Variants in ZFPL1 observed in about 807,000 individuals in gnomAD.
ZFPL1 encodes zinc finger protein like 1, also known as zinc finger protein-like 1.
In ZFPL1, 28 loss-of-function variants were observed where a neutral mutation model predicts 32.0. The observed-to-expected ratio is 0.87, with a 90% CI of 0.65 to 1.20. The LOEUF (loss-of-function observed/expected upper bound fraction) is 1.20. Among genes scored for constraint, ZFPL1 ranks in the 50% most tolerant of loss-of-function variants. ZFPL1 has a pLI of 0.00. For missense variants in ZFPL1, 386 were observed against 424.8 expected (o/e 0.91, Z 0.80); for synonymous variants, 165 against 177.0 (o/e 0.93, Z 0.54).
Position 65,087,957 on chromosome 11 carries a change from T to C in ZFPL1, c.776T>C (p.Leu259Pro). 2 of 1,575,470 alleles carry C rather than the reference T, an allele frequency of 1.3e-6. No individual in the cohort carries two copies. Among genetic ancestry groups the C allele is most frequent in the Non-Finnish European group, 8.5e-7 (1 of 1,170,788 alleles). The change falls in exon 8 of 8, where the codon CTG becomes CCG. Residue 259 changes from leucine to proline, a missense_variant. Coordinates refer to ENST00000294258, the MANE Select transcript of ZFPL1 (RefSeq NM_006782.4). ...CGGGCTGGGTCTCGGAAGCGGCCGC[T>C]GACCCTGCTCCAGCGGGCGGGGCTG... ...RSRAGSRKRPLTLLQRAGLLL... is the reference protein window; with the variant it reads ...RSRAGSRKRPPTLLQRAGLLL...
At position 65,088,337 on chromosome 11, in the gene ZFPL1, C is replaced by A. The variant is rs1590805791; in HGVS notation, c.*223C>A. 4.1e-6 allele frequency: 5 copies of A among 1,212,614 alleles called. No homozygotes were observed. The East Asian group carries it at 1.3e-4, about 31-fold the overall frequency. The allele number at this position is 1,212,614 out of a possible 1,614,324, so 75.1% of individuals were successfully genotyped here. A position where few individuals can be genotyped will look rare whatever the true frequency, so the allele number is the denominator to read the frequency against. ...ACTTGCTTTCCTCCCGGGTCTCCAG[C>A]CTCCGACCCCTCGCCCCATGAAGGA... On this transcript the variant is annotated 3_prime_UTR_variant, in exon 8 of 8. Transcript: ENST00000294258.
In ZFPL1 at chr11:65,088,218, A is replaced by G. The variant is rs1319952018; in HGVS notation, c.*104A>G. 1.4e-6 allele frequency: 2 copies of G among 1,407,018 alleles called. No individual in the cohort carries two copies. Among genetic ancestry groups the G allele is most frequent in the Non-Finnish European group, 1.9e-6 (2 of 1,031,944 alleles). 87.2% of individuals were successfully genotyped at this position (1,407,018 alleles called of 1,614,324 possible). ...ACCTCTTCACTGCCCCTCTCCCTCA[A>G]GCCTAAGACACTAAGACCCCAGACC... is the stretch of plus-strand genomic sequence containing the variant. On this transcript the variant is annotated 3_prime_UTR_variant, in exon 8 of 8. Transcript: ENST00000294258.
In ZFPL1 at chr11:65,084,355, C is replaced by A. The variant is rs1220862124; in HGVS notation, c.-32C>A. Reference sequence around the variant, plus strand: ...CGCCCTTCGGAACCAGTGCAGCGGCCGATCAGTAAACACAGAGACTGGGGT... The same window carrying A: ...CGCCCTTCGGAACCAGTGCAGCGGCAGATCAGTAAACACAGAGACTGGGGT... On this transcript the variant is annotated 5_prime_UTR_variant, in exon 1 of 8. Coordinates refer to ENST00000294258, the MANE Select transcript of ZFPL1 (RefSeq NM_006782.4). 1 of 485,950 alleles carries A rather than the reference C, an allele frequency of 2.1e-6. No individual in the cohort carries two copies. Among genetic ancestry groups the A allele is most frequent in the Non-Finnish European group, 3.6e-6 (1 of 276,324 alleles). 30.1% of individuals were successfully genotyped at this position (485,950 alleles called of 1,614,324 possible).
Position 65,086,344 on chromosome 11 carries a change from C to T in ZFPL1, c.215-71C>T, listed in dbSNP as rs1947679003. The stretch of plus-strand genomic sequence containing the variant: ...CATATGTCCTGCAATGGTCTGGGGA[C>T]TATTGCTAGGCTAGGAGCCCTAAGT... On this transcript the variant is annotated intron_variant, in intron 3 of 7. Coordinates refer to ENST00000294258, the MANE Select transcript of ZFPL1 (RefSeq NM_006782.4). The T allele has an allele frequency of 1.9e-6, 3 of 1,585,500 alleles. No homozygotes were observed. In the African/African-American group the frequency reaches 4.0e-5, roughly 21 times the overall value.
At chr11:65,087,772 C>A in intron 7 of ZFPL1, 156 bp from the exon 8 acceptor site, 5 of 787,406 alleles carry the variant, frequency 6.3e-6, no homozygotes, top group Non-Finnish European at 5.9e-6. Context: ...TTGAGCTGCA[C>A]AATAACGCCC....
chr11:65,088,147 T>G lies in ZFPL1; in HGVS notation c.*33T>G. The G allele has an allele frequency of 6.3e-7, 1 of 1,583,630 alleles. No individual in the cohort carries two copies. Among genetic ancestry groups the G allele is most frequent in the Non-Finnish European group, 8.5e-7 (1 of 1,173,246 alleles). ...TGCTTGTGGCTAGGCCAGCCTAGGA[T>G]GTGGGTTCTGTGGAGGAGAGGCGGG... On this transcript the variant is annotated 3_prime_UTR_variant, in exon 8 of 8. Transcript: ENST00000294258.
Position 65,085,172 on chromosome 11 carries a change from C to T in ZFPL1, c.160C>T (p.Arg54Cys), listed in dbSNP as rs764814935. The change falls in exon 3 of 8, where the codon CGC becomes TGC. Residue 54 changes from arginine to cysteine, a missense_variant. By Grantham distance (180) the Arg-to-Cys change is radical. Coordinates refer to ENST00000294258, the MANE Select transcript of ZFPL1 (RefSeq NM_006782.4). ...AGATAGCGACTACAACCCCAATTGC[C>T]GCCTGTGCAACATACCCCTGGCCAG... ...LQDSDYNPNC[R>C]LCNIPLASRE... The T allele has an allele frequency of 1.9e-5, 30 of 1,614,022 alleles. No individual in the cohort carries two copies. The highest frequency in any genetic ancestry group is 6.7e-5 in the African/African-American group (5 of 74,906).
rs1410948984 is a variant in ZFPL1, at chr11:65,088,027, C to T, written c.846C>T (p.Leu282=). The T allele has an allele frequency of 1.2e-6, 2 of 1,608,532 alleles. No individual in the cohort carries two copies. The highest frequency in any genetic ancestry group is 4.5e-5 in the East Asian group (2 of 44,804). The change falls in exon 8 of 8, where the codon CTC becomes CTT. Residue 282 remains leucine, a synonymous_variant. Transcript: ENST00000294258. The part of the protein sequence containing the change: ...GLLGFLALLA[L]MSRLGRAAAD... ...TGGGCTTCCTGGCCCTCCTTGCCCT[C>T]ATGTCTCGCCTAGGCCGGGCCGCAG...
chr11:65,086,272 A>G (rs1440558311), intron 3 of ZFPL1, 143 bp from the exon 4 acceptor site: 4 of 1,096,210 alleles, frequency 3.6e-6, no homozygotes, highest in African/African-American at 3.1e-5. Context: ...CTGACATTTT[A>G]GGGAACAGGA....
chr11:65,088,113 G>A lies in ZFPL1; in HGVS notation c.932G>A (p.Ter311=). Reference sequence around the variant, plus strand: ...CCTCACATCCGCGTGGGCCCCTCCTGAGCCCCCTTGCTTGTGGCTAGGCCA... The same window carrying A: ...CCTCACATCCGCGTGGGCCCCTCCTAAGCCCCCTTGCTTGTGGCTAGGCCA... The part of the protein sequence containing the change: ...MNPHIRVGPS[*] The change falls in exon 8 of 8, where the codon TGA becomes TAA. Residue 311 remains the stop codon, a stop_retained_variant. Coordinates refer to ENST00000294258, the MANE Select transcript of ZFPL1 (RefSeq NM_006782.4). The A allele has an allele frequency of 3.7e-6, 6 of 1,605,444 alleles. No individual in the cohort carries two copies. The highest frequency in any genetic ancestry group is 5.1e-6 in the Non-Finnish European group (6 of 1,178,390).
At chr11:65,084,962 T>G in intron 2 of ZFPL1, 153 bp from the exon 3 acceptor site, 1 of 1,017,848 alleles carries the variant, frequency 9.8e-7, no homozygotes, top group Non-Finnish European at 1.5e-6. Context: ...CAAGAGAGAG[T>G]CTGGTGCACA....
intron 3 of ZFPL1, chr11:65,086,190 C>T (rs1947677657): frequency 3.2e-6 from 2 of 634,164 alleles, no homozygotes; most frequent in Non-Finnish European, 5.5e-6. Flanking sequence ...TTTCTTCCTA[C>T]CCAAACTTAC....
Position 65,086,979 on chromosome 11 carries a change from C to T in ZFPL1, c.533C>T (p.Ala178Val), listed in dbSNP as rs1368010577. The change falls in exon 6 of 8, where the codon GCC becomes GTC. Residue 178 changes from alanine (A) to valine (V), a missense_variant. Transcript: ENST00000294258. The stretch of plus-strand genomic sequence containing the variant: ...GTAGACAGCGCCTCTGCTGCCCCAG[C>T]CTTCTACAGCCAGGCCCCCCGGCCC... ...EEVDSASAAP[A>V]FYSQAPRPPA... 2 of 1,614,068 alleles carry T rather than the reference C, an allele frequency of 1.2e-6. No individual in the cohort carries two copies. Among genetic ancestry groups the T allele is most frequent in the Non-Finnish European group, 8.5e-7 (1 of 1,180,012 alleles).
In ZFPL1 at chr11:65,088,208, C is replaced by G. The variant is rs997470323; in HGVS notation, c.*94C>G. ...GGCTGAGGGCACCTCTTCACTGCCC[C>G]TCTCCCTCAAGCCTAAGACACTAAG... On this transcript the variant is annotated 3_prime_UTR_variant, in exon 8 of 8. Transcript: ENST00000294258. 6.9e-7 allele frequency: 1 copy of G among 1,443,036 alleles called. No individual in the cohort carries two copies. The highest frequency in any genetic ancestry group is 9.4e-7 in the Non-Finnish European group (1 of 1,059,580). The allele number at this position is 1,443,036 out of a possible 1,614,324, so 89.4% of individuals were successfully genotyped here.
At chr11:65,084,889 G>A (rs1947657522) in intron 2 of ZFPL1, 89 bp downstream of exon 2, 2 of 1,466,438 alleles carry the variant, frequency 1.4e-6, no homozygotes, top group Non-Finnish European at 1.9e-6. Flanking sequence ...CCCCGCGCTA[G>A]AATGTAAGCC....
At position 65,087,302 on chromosome 11, in the gene ZFPL1, G is replaced by T. The variant is rs765980018; in HGVS notation, c.629-14G>T. On this transcript the variant is annotated splice_polypyrimidine_tract_variant and intron_variant, in intron 6 of 7. Coordinates refer to ENST00000294258, the MANE Select transcript of ZFPL1 (RefSeq NM_006782.4). The stretch of plus-strand genomic sequence containing the variant: ...TTTCCTGAGTCTATTGATGCTAGTG[G>T]CTCCACCCTGTAGCCCCTAGGAAGG... 5.0e-6 allele frequency: 8 copies of T among 1,613,670 alleles called. No individual in the cohort carries two copies. Among genetic ancestry groups the T allele is most frequent in the Non-Finnish European group, 6.8e-6 (8 of 1,179,634 alleles).
Position 65,088,374 on chromosome 11 carries a change from G to T in ZFPL1, c.*260G>T. 1 of 1,398,804 alleles carries T rather than the reference G, an allele frequency of 7.1e-7. No individual in the cohort carries two copies. The highest frequency in any genetic ancestry group is 9.8e-7 in the Non-Finnish European group (1 of 1,021,698). The allele number at this position is 1,398,804 out of a possible 1,614,324, so 86.6% of individuals were successfully genotyped here. The stretch of plus-strand genomic sequence containing the variant: ...CGCCCCATGAAGGAGCTGGCAGGTG[G>T]AAATAAACAACAACTTTATTAAAAC... On this transcript the variant is annotated 3_prime_UTR_variant, in exon 8 of 8. Transcript: ENST00000294258.
chr11:65,084,300 C>A lies in ZFPL1; in HGVS notation c.-87C>A. ...GCAGGAGCCCTGGGGAGAGTGGTCC[C>A]TGCCCTTCCGCGCCTCGAGCCATCG... On this transcript the variant is annotated 5_prime_UTR_variant, in exon 1 of 8. In the 5' UTR this introduces an upstream ATG that the reference lacks. Transcript: ENST00000294258. The A allele has an allele frequency of 1.9e-6, 1 of 531,686 alleles. No individual in the cohort carries two copies. Among genetic ancestry groups the A allele is most frequent in the Non-Finnish European group, 3.3e-6 (1 of 300,560 alleles). The allele number at this position is 531,686 out of a possible 1,614,324, so 32.9% of individuals were successfully genotyped here.
intron 6 of ZFPL1, 89 bp from the exon 7 acceptor site, chr11:65,087,227 C>A: frequency 6.4e-7 from 1 of 1,561,704 alleles, no homozygotes; most frequent in South Asian, 1.1e-5. Flanking sequence ...GATGTTCTGT[C>A]AGACTGAGGA....
Sources: gnomAD v4.1 joint callset for allele counts on GRCh38, gnomAD v4.1.1 for gene constraint, MANE v1.5 for transcripts, NCBI Gene and HGNC (gene_info 2026-07-23, HGNC 2026-07-21) for gene names.